The following SLC25A41 variants were observed in gnomAD, a reference collection of about 807,000 sequenced individuals.
The protein encoded by SLC25A41 is solute carrier family 25 member 41.
SLC25A41 carries 35 observed loss-of-function variants against 34.7 expected under a neutral mutation model. The ratio of observed to expected loss-of-function variants is 1.01; its 90% CI spans 0.77 to 1.34. The LOEUF is 1.34. Ranked by LOEUF, SLC25A41 falls within the 40% of genes most tolerant of loss-of-function variation. The probability of loss-of-function intolerance (pLI) is 0.00; values close to 1 mark genes in which losing one functional copy is unlikely to be tolerated. For synonymous variants in SLC25A41, 190 were observed against 209.9 expected (o/e 0.91, Z 0.82); for missense variants, 492 against 489.8 (o/e 1.00, Z -0.04).
chr19:6,431,798 A>G (rs1321465509), intron 2 of SLC25A41, among the ~76,000 whole-genome samples: 1 of 150,732 alleles, frequency 6.6e-6, no homozygotes, highest in East Asian at 1.9e-4. Flanking sequence ...CTGACCTCCA[A>G]CCCCCACCTT....
At chr19:6,436,037 C>G (rs528609041), upstream of SLC25A41, 1 of 161,754 alleles carries the variant, frequency 6.2e-6, no homozygotes, top group Non-Finnish European at 1.4e-5. Context: ...AAACCAAAAC[C>G]GAAACCAAAC....
chr19:6,428,817 G>A (rs536956999), intron 4 of SLC25A41, among the ~76,000 whole-genome samples: 1,482 of 144,110 alleles, frequency 0.01, 14 homozygotes, highest in South Asian at 0.028. Flanking sequence ...GGGCTCAAGT[G>A]CTCCTCCCAC....
In SLC25A41 at chr19:6,426,261, CA is replaced by C; in HGVS notation, c.*127del. On this transcript the variant is annotated 3_prime_UTR_variant, in exon 7 of 7. Coordinates refer to ENST00000321510, the MANE Select transcript of SLC25A41 (RefSeq NM_173637.4). ...TGACCCAGAGCCCCACCCCCACCCC[CA>C]GCCTGCTTTTGCCACCAAAAACTGC... 6.3e-6 allele frequency: 3 copies of C among 473,570 alleles called. No individual in the cohort carries two copies. Among genetic ancestry groups the C allele is most frequent in the Non-Finnish European group, 8.9e-6 (3 of 335,242 alleles). 29.3% of individuals were successfully genotyped at this position (473,570 alleles called of 1,614,324 possible).
intron 1 of SLC25A41, 66 bp downstream of exon 1, chr19:6,433,421 G>T: frequency 6.6e-7 from 1 of 1,512,090 alleles, no homozygotes. Context: ...AGAGGGCGTG[G>T]GTAGCCTGGC....
At chr19:6,431,952 C>A in intron 2 of SLC25A41, 97 bp downstream of exon 2, 1 of 1,463,678 alleles carries the variant, frequency 6.8e-7, no homozygotes, top group Non-Finnish European at 9.2e-7. Flanking sequence ...GCACTCCTAT[C>A]CTGAACTCCA....
rs879185213 is a variant in SLC25A41 at position 6,431,907 on chromosome 19, A to G, written c.363+142T>C. ...AGCTCTATCACCATCCACAACCTCA[A>G]TCTCAGCTAGTCCAGGAGAGCCCAA... On this transcript the variant is annotated intron_variant, in intron 2 of 6. Coordinates refer to ENST00000321510, the MANE Select transcript of SLC25A41 (RefSeq NM_173637.4). 1.1e-5 allele frequency: 11 copies of G among 993,840 alleles called. No homozygotes were observed. The Admixed American group carries it at 3.1e-4, about 28-fold the overall frequency. 61.6% of individuals were successfully genotyped at this position (993,840 alleles called of 1,614,324 possible).
intron 4 of SLC25A41, among the ~76,000 whole-genome samples, chr19:6,429,098 C>CATATATATCATATATATG (rs2092262142): frequency 1.2e-4 from 1 of 8,376 alleles, no homozygotes; most frequent in Non-Finnish European, 2.1e-4. Flanking sequence ...ATATATGTTA[C>CATATATATCATATATATG]ATATATATAT....
At chr19:6,428,638 A>G (rs1414854594) in intron 4 of SLC25A41, among the ~76,000 whole-genome samples, 1 of 147,476 alleles carries the variant, frequency 6.8e-6, no homozygotes, top group Non-Finnish European at 1.5e-5. Context: ...TAATATATAC[A>G]TGTTATATGT....
intron 4 of SLC25A41, among the ~76,000 whole-genome samples, 176 bp downstream of exon 4, chr19:6,429,521 AGGAGAAAGGAGGAGGAAAGAGGAGGAG>A (rs1434863340): frequency 5.8e-4 from 12 of 20,630 alleles, no homozygotes; most frequent in African/African-American, 1.2e-3. Flanking sequence ...GAGAGGAGGA[AGGAGAAAGGAGGAGGAAAGAGGAGGAG>A]GGAGAAAGGA....
rs1345712594 is a variant in SLC25A41 at position 6,427,789 on chromosome 19, C to T, written c.625-288G>A. On this transcript the variant is annotated intron_variant, in intron 4 of 6. Transcript: ENST00000321510. This position sits in a 1 kb window ranked among gnomAD's most constrained non-coding sequence, Gnocchi z 4.9. ...ATCGCTTGAGGCCGGGAGTTCGAGA[C>T]CAGCCTGGGCAACATAGCGAGACCC... 3.3e-5 allele frequency among the ~76,000 whole-genome samples: 5 copies of T among 152,068 alleles called. No individual in the cohort carries two copies. The highest frequency in any genetic ancestry group is 1.2e-4 in the African/African-American group (5 of 41,406).
In SLC25A41 at chr19:6,432,154, CACTTCCAGG is replaced by C; in HGVS notation, c.249_257del (p.Leu84_Val86del). Reference sequence around the variant, plus strand: ...ACTTCCACAAGGCCTCCTTGTTATCCACTTCCAGGACTTCCACGGGGACCATCAGCTGCT... The same window carrying C: ...ACTTCCACAAGGCCTCCTTGTTATCCACTTCCACGGGGACCATCAGCTGCT... On this transcript the variant is annotated inframe_deletion, in exon 2 of 7. Coordinates refer to ENST00000321510, the MANE Select transcript of SLC25A41 (RefSeq NM_173637.4). The C allele has an allele frequency of 6.2e-7, 1 of 1,613,928 alleles. No individual in the cohort carries two copies. The highest frequency in any genetic ancestry group is 1.1e-5 in the South Asian group (1 of 91,080).
At chr19:6,429,360 A>AAGGAAGGG (rs2092270469) in intron 4 of SLC25A41, among the ~76,000 whole-genome samples, 1 of 3,750 alleles carries the variant, frequency 2.7e-4, no homozygotes, top group Non-Finnish European at 6.4e-4. Flanking sequence ...AGGAGGGAGA[A>AAGGAAGGG]AGGAGGAGGG....
chr19:6,429,670 T>G, intron 4 of SLC25A41, 54 bp downstream of exon 4: 1 of 1,341,702 alleles, frequency 7.5e-7, no homozygotes, highest in Admixed American at 2.5e-5. Context: ...CCCAGCAACG[T>G]GGGTAACTAG....
At position 6,427,367 on chromosome 19, in the gene SLC25A41, G is replaced by A. The variant is rs369975692; in HGVS notation, c.759C>T (p.Ile253=). 6.2e-7 allele frequency: 1 copy of A among 1,611,194 alleles called. No individual in the cohort carries two copies. Among genetic ancestry groups the A allele is most frequent in the Non-Finnish European group, 8.5e-7 (1 of 1,178,622 alleles). Residue 253 remains isoleucine (I), a synonymous_variant, in exon 5 of 7, where the codon ATC becomes ATT. Coordinates refer to ENST00000321510, the MANE Select transcript of SLC25A41 (RefSeq NM_173637.4). This position sits in a 1 kb window ranked among gnomAD's most constrained non-coding sequence, Gnocchi z 4.9. ...RGYLPNMLGI[I]PYACTDLAVY... is the part of the protein sequence containing the mutation. ...CAGCCAGGTCGGTGCAGGCATAGGGGATGATGCCGAGCATATTGGGCAGGT... is the reference window on the plus strand; with the variant it reads ...CAGCCAGGTCGGTGCAGGCATAGGGAATGATGCCGAGCATATTGGGCAGGT...
At chr19:6,428,106 T>C (rs1205964599) in intron 4 of SLC25A41, among the ~76,000 whole-genome samples, 6 of 152,026 alleles carry the variant, frequency 3.9e-5, no homozygotes, top group East Asian at 1.9e-4. Flanking sequence ...TCAAAACCCA[T>C]AGAACTGTTA....
intron 2 of SLC25A41, among the ~76,000 whole-genome samples, chr19:6,431,373 T>G (rs112471917): frequency 1.5e-3 from 225 of 151,936 alleles, no homozygotes; most frequent in African/African-American, 5.2e-3. Flanking sequence ...CTCAGCCTCC[T>G]GAGCAGCTGA....
At chr19:6,429,598 G>GA in intron 4 of SLC25A41, 126 bp downstream of exon 4, 1 of 624,118 alleles carries the variant, frequency 1.6e-6, no homozygotes, top group East Asian at 3.2e-5. Context: ...CGGGGAGGAG[G>GA]GAGAAGTGTG....
rs747624844 is a variant in SLC25A41, at chr19:6,433,688, G to A, written c.6C>T (p.Gly2=). The change falls in exon 1 of 7, where the codon GGC becomes GGT. Residue 2 remains glycine, a synonymous_variant. Coordinates refer to ENST00000321510, the MANE Select transcript of SLC25A41 (RefSeq NM_173637.4). ...TGTTCTGAGGTTCCCCAGGCTGAGC[G>A]CCCATGGAGGAAGTTAGGACACCTG... is the stretch of plus-strand genomic sequence containing the variant. M[G]AQPGEPQNTC... is the part of the protein sequence containing the mutation. 3 of 1,552,948 alleles carry A rather than the reference G, an allele frequency of 1.9e-6. No individual in the cohort carries two copies. The highest frequency in any genetic ancestry group is 1.7e-6 in the Non-Finnish European group (2 of 1,145,990).
intron 2 of SLC25A41, among the ~76,000 whole-genome samples, 170 bp from the exon 3 acceptor site, chr19:6,430,331 T>C (rs1338058826): frequency 6.6e-6 from 1 of 151,336 alleles, no homozygotes; most frequent in Non-Finnish European, 1.5e-5. Context: ...TAGAATCGCA[T>C]GCAACCCTGA....
Sources: allele counts gnomAD v4.1 joint callset (sites outside exome capture counted in the v4.1 genomes callset), GRCh38; gene constraint gnomAD v4.1.1; non-coding constraint Gnocchi (gnomAD v3.1); transcripts MANE v1.5; gene names NCBI Gene and HGNC (gene_info 2026-07-23, HGNC 2026-07-21).